Variants in ZNF541 observed in about 807,000 individuals in gnomAD.
ZNF541 encodes the protein zinc finger protein 541.
A neutral mutation model predicts 123.5 loss-of-function variants in ZNF541; 23 were observed. The ratio of observed to expected loss-of-function variants is 0.19; its 90% CI spans 0.13 to 0.26. ZNF541 has a LOEUF of 0.26. Among genes scored for constraint, ZNF541 ranks in the 10% least tolerant of loss-of-function variants. The probability of loss-of-function intolerance (pLI) is 1.00; values close to 1 mark genes in which losing one functional copy is unlikely to be tolerated. For missense variants in ZNF541, 1,612 were observed against 1,789.9 expected (o/e 0.90, Z 1.79); for synonymous variants, 751 against 754.5 (o/e 1.00, Z 0.08).
chr19:47,565,469 A>G (rs1273440840), intron 2 of ZNF541, among the ~76,000 whole-genome samples: 1 of 152,144 alleles, frequency 6.6e-6, no homozygotes, highest in African/African-American at 2.4e-5. Context: ...GGCTAAAAAG[A>G]AGAGGATGGA....
At chr19:47,535,000 G>C (rs186146947) in intron 9 of ZNF541, among the ~76,000 whole-genome samples, 70 of 151,310 alleles carry the variant, frequency 4.6e-4, no homozygotes, top group Non-Finnish European at 8.5e-4. Flanking sequence ...TGTTGCCCAG[G>C]CTGGAGTGCA....
rs2123135051 is a variant in ZNF541, at chr19:47,544,788, G to C, written c.1741C>G (p.Pro581Ala). The C allele has an allele frequency of 2.0e-6, 3 of 1,519,660 alleles. No individual in the cohort carries two copies. The highest frequency in any genetic ancestry group is 2.4e-5 in the South Asian group (2 of 82,486). The allele number at this position is 1,519,660 out of a possible 1,614,324, so 94.1% of individuals were successfully genotyped here. ...GCGGCTGGTTTGCCCTCGGGCGCAG[G>C]GAGCTGGGAGGAGACTGCTGCCACC... ...AQVAAVSSQL[P>A]APEGKPAALR... The change falls in exon 5 of 17, where the codon CCT (proline) becomes GCT (alanine). Residue 581 changes from proline to alanine, a missense_variant. Around this residue, in one of 5 missense-constraint regions of ZNF541, gnomAD observed 1,080 missense variants for 1,013.8 expected, o/e 1.07. Coordinates refer to ENST00000391901, the MANE Select transcript of ZNF541 (RefSeq NM_001277075.3).
chr19:47,565,661 G>A (rs1159610693), intron 2 of ZNF541, among the ~76,000 whole-genome samples: 1 of 152,150 alleles, frequency 6.6e-6, no homozygotes, highest in Non-Finnish European at 1.5e-5. Flanking sequence ...GTTTCAAGGA[G>A]CAGGTAAGTT....
chr19:47,552,708 A>C (rs1355243970), intron 3 of ZNF541, among the ~76,000 whole-genome samples: 1 of 115,792 alleles, frequency 8.6e-6, no homozygotes, highest in Non-Finnish European at 1.6e-5. Flanking sequence ...GCACCACTGC[A>C]CTCTAGCCTG....
chr19:47,545,725 G>C lies in ZNF541; in HGVS notation c.804C>G (p.Leu268=). 6.5e-7 allele frequency: 1 copy of C among 1,546,184 alleles called. No individual in the cohort carries two copies. Among genetic ancestry groups the C allele is most frequent in the Non-Finnish European group, 8.7e-7 (1 of 1,146,638 alleles). ...GGCGCAGGAGGTCCCGGTGGGGCAG[G>C]AGGGAGCCGGGGGACCTGGCCTCTG... The part of the protein sequence containing the change: ...VPPEARSPGS[L]LPHRDLLRRI... The change falls in exon 5 of 17, where the codon CTC becomes CTG. Residue 268 remains leucine, a synonymous_variant. Transcript: ENST00000391901. This position sits in a 1 kb window ranked among gnomAD's most constrained non-coding sequence, Gnocchi z 7.5.
chr19:47,524,862 A>C (rs1036073174), intron 14 of ZNF541, among the ~76,000 whole-genome samples: 1 of 152,242 alleles, frequency 6.6e-6, no homozygotes, highest in Admixed American at 6.5e-5. Context: ...TGGGCGACAG[A>C]GTGAGATCCT....
chr19:47,565,482 G>A (rs565233374), intron 2 of ZNF541, among the ~76,000 whole-genome samples: 1 of 152,194 alleles, frequency 6.6e-6, no homozygotes, highest in South Asian at 2.1e-4. Context: ...AGGATGGAGG[G>A]GGATTTAGTT....
intron 9 of ZNF541, among the ~76,000 whole-genome samples, chr19:47,536,655 G>A (rs1969836148): frequency 6.6e-6 from 1 of 152,172 alleles, no homozygotes. Flanking sequence ...AGCTACTCTG[G>A]GCCGAAGCAG....
intron 4 of ZNF541, 131 bp downstream of exon 4, chr19:47,549,114 T>A: frequency 8.1e-7 from 1 of 1,241,484 alleles, no homozygotes; most frequent in Non-Finnish European, 1.1e-6. Flanking sequence ...TGAGCAGAGG[T>A]AATACACGTC....
At chr19:47,529,924 C>A (rs933373263) in intron 12 of ZNF541, among the ~76,000 whole-genome samples, 1 of 152,182 alleles carries the variant, frequency 6.6e-6, no homozygotes, top group African/African-American at 2.4e-5. Context: ...TTTATTCTGG[C>A]ACAAGCTCCT....
At chr19:47,537,303 C>T (rs970783024) in intron 9 of ZNF541, among the ~76,000 whole-genome samples, 8 of 152,160 alleles carry the variant, frequency 5.3e-5, no homozygotes, top group Non-Finnish European at 1.2e-4. Flanking sequence ...GTGGCTCACA[C>T]CTGTAATCCC....
At chr19:47,532,413 G>A (rs915764851) in intron 10 of ZNF541, 143 bp from the exon 11 acceptor site, 10 of 905,424 alleles carry the variant, frequency 1.1e-5, no homozygotes, top group Non-Finnish European at 1.7e-5. Flanking sequence ...CATCAGGTAC[G>A]TGCTGTTCCC....
In ZNF541 at chr19:47,539,808, G is replaced by T; in HGVS notation, c.2693C>A (p.Pro898Gln). The change falls in exon 8 of 17, where the codon CCA (proline) becomes CAA (glutamine). Residue 898 changes from proline to glutamine, a missense_variant. Around this residue, in one of 5 missense-constraint regions of ZNF541, gnomAD observed 1,080 missense variants for 1,013.8 expected, o/e 1.07. Transcript: ENST00000391901. ...LRPEGDRHSP[P>Q]GTKKPLDPTA... ...GGGGTCCAAGGGCTTCTTGGTTCCT[G>T]GGGGACTATGCCTGTCCCCTTCTGG... The T allele has an allele frequency of 6.7e-7, 1 of 1,489,106 alleles. No homozygotes were observed. The highest frequency in any genetic ancestry group is 3.0e-5 in the Admixed American group (1 of 32,804). 92.2% of individuals were successfully genotyped at this position (1,489,106 alleles called of 1,614,324 possible).
rs547799008 is a variant in ZNF541, at chr19:47,544,719, G to A, written c.1810C>T (p.Leu604=). Residue 604 remains leucine, a synonymous_variant, in exon 5 of 17, where the codon CTG becomes TTG. Coordinates refer to ENST00000391901, the MANE Select transcript of ZNF541 (RefSeq NM_001277075.3). The part of the protein sequence containing the change: ...QGPWPQQPPP[L]APAVDSLHAG... ...TGGAGAGAGTCCACAGCAGGAGCCA[G>A]TGGTGGGGGCTGCTGCGGCCACGGC... 893 of 1,506,622 alleles carry A rather than the reference G, an allele frequency of 5.9e-4. 4 individuals carry two copies. In the African/African-American group the frequency reaches 0.011, roughly 19 times the overall value. 93.3% of individuals were successfully genotyped at this position (1,506,622 alleles called of 1,614,324 possible). A position where few individuals can be genotyped will look rare whatever the true frequency, so the allele number is the denominator to read the frequency against.
chr19:47,522,702 G>A (rs1462788990), intron 14 of ZNF541, among the ~76,000 whole-genome samples: 11 of 151,186 alleles, frequency 7.3e-5, no homozygotes, highest in Admixed American at 4.0e-4. Context: ...ATGCTGAGGC[G>A]AGATGATCGC....
rs1969050289 is a variant in ZNF541 at position 47,521,896 on chromosome 19, C to A, written c.3669G>T (p.Arg1223Ser). 6.4e-7 allele frequency: 1 copy of A among 1,551,710 alleles called. No individual in the cohort carries two copies. The highest frequency in any genetic ancestry group is 1.2e-5 in the South Asian group (1 of 84,064). The change falls in exon 15 of 17, where the codon AGG becomes AGT. Residue 1223 changes from arginine (R) to serine (S), a missense_variant. Transcript: ENST00000391901. The surrounding 1 kb of genome is among the most constrained non-coding windows in gnomAD (Gnocchi z 4.2). ...DCGRAPGLEKRVKREPEEVER... is the reference protein window; with the variant it reads ...DCGRAPGLEKSVKREPEEVER... The stretch of plus-strand genomic sequence containing the variant: ...CCACTTCCTCCGGCTCTCTCTTGAC[C>A]CTCTTTTCTAGCCCTGGGGCTCGGC...
At position 47,545,051 on chromosome 19, in the gene ZNF541, C is replaced by T. The variant is rs937289841; in HGVS notation, c.1478G>A (p.Ser493Asn). Reference protein sequence around the residue: ...AEAPSDPRSASGEDDPCAPKK... With the variant: ...AEAPSDPRSANGEDDPCAPKK... ...GGGGGCGCAGGGGTCATCTTCCCCG[C>T]TGGCCGACCTGGGGTCGCTCGGGGC... The change falls in exon 5 of 17, where the codon AGC (serine) becomes AAC (asparagine). Residue 493 changes from serine to asparagine, a missense_variant. Around this residue, in one of 5 missense-constraint regions of ZNF541, gnomAD observed 1,080 missense variants for 1,013.8 expected, o/e 1.07. Transcript: ENST00000391901. The surrounding 1 kb of genome is among the most constrained non-coding windows in gnomAD (Gnocchi z 7.5). The T allele has an allele frequency of 1.4e-6, 2 of 1,478,622 alleles. No individual in the cohort carries two copies. The highest frequency in any genetic ancestry group is 1.8e-6 in the Non-Finnish European group (2 of 1,118,550). The allele number at this position is 1,478,622 out of a possible 1,614,324, so 91.6% of individuals were successfully genotyped here.
At position 47,545,739 on chromosome 19, in the gene ZNF541, A is replaced by G; in HGVS notation, c.790T>C (p.Ser264Pro). ...LRSLVPPEARSPGSLLPHRDL... is the reference protein window; with the variant it reads ...LRSLVPPEARPPGSLLPHRDL... ...CGGTGGGGCAGGAGGGAGCCGGGGG[A>G]CCTGGCCTCTGGGGGCACCAGGGAC... The change falls in exon 5 of 17, where the codon TCC (serine) becomes CCC (proline). Residue 264 changes from serine (S) to proline (P), a missense_variant. Physicochemically the swap from Ser to Pro is moderately conservative, Grantham distance 74. This residue lies in a region of ZNF541 where 1,080 missense variants were observed against 1,013.8 expected (regional missense o/e 1.07). Transcript: ENST00000391901. The surrounding 1 kb of genome is among the most constrained non-coding windows in gnomAD (Gnocchi z 7.5). The G allele has an allele frequency of 6.5e-7, 1 of 1,544,058 alleles. No individual in the cohort carries two copies. Among genetic ancestry groups the G allele is most frequent in the Non-Finnish European group, 8.7e-7 (1 of 1,146,220 alleles).
chr19:47,551,600 G>A (rs546616939), intron 3 of ZNF541, among the ~76,000 whole-genome samples: 6 of 151,874 alleles, frequency 4.0e-5, no homozygotes, highest in Non-Finnish European at 7.4e-5. Context: ...GTACAGTGGT[G>A]CGATCACAGC....
Sources: allele counts gnomAD v4.1 joint callset (sites outside exome capture counted in the v4.1 genomes callset), GRCh38; gene constraint gnomAD v4.1.1; regional missense constraint gnomAD v4.1.1; non-coding constraint Gnocchi (gnomAD v3.1); transcripts MANE v1.5; gene names NCBI Gene and HGNC (gene_info 2026-07-23, HGNC 2026-07-21).